The following DOP1A variants were observed in gnomAD, a reference collection of about 807,000 sequenced individuals.
DOP1A encodes the protein protein DOP1A.
In DOP1A, 90 loss-of-function variants were observed where a neutral mutation model predicts 267.6. The ratio of observed to expected loss-of-function variants is 0.34; its 90% CI spans 0.28 to 0.40. The LOEUF (loss-of-function observed/expected upper bound fraction) is 0.40. Ranked by LOEUF, DOP1A falls within the 10% of genes least tolerant of loss-of-function variation. The pLI, the probability that DOP1A is intolerant of heterozygous loss-of-function variation, is 1.00. For synonymous variants in DOP1A, 932 were observed against 999.1 expected (o/e 0.93, Z 1.27); for missense variants, 2,437 against 2,900.4 (o/e 0.84, Z 3.67).
rs1009818993 is a variant in DOP1A at position 83,145,741 on chromosome 6, T to A, written c.5676+83T>A. 2.2e-6 allele frequency: 3 copies of A among 1,369,364 alleles called. No individual in the cohort carries two copies. In the African/African-American group the frequency reaches 4.4e-5, roughly 20 times the overall value. 84.8% of individuals were successfully genotyped at this position (1,369,364 alleles called of 1,614,324 possible). On this transcript the variant is annotated intron_variant, in intron 25 of 38. Transcript: ENST00000349129. ...TAAGATTTTTTTTTGTACAATAATG[T>A]CCTTTCAATATAGTACAGATTGCAG... is the stretch of plus-strand genomic sequence containing the variant.
At position 83,139,119 on chromosome 6, in the gene DOP1A, C is replaced by G; in HGVS notation, c.5077C>G (p.Leu1693Val). 6.2e-7 allele frequency: 1 copy of G among 1,613,802 alleles called. No individual in the cohort carries two copies. Among genetic ancestry groups the G allele is most frequent in the Non-Finnish European group, 8.5e-7 (1 of 1,179,804 alleles). ...ACAACTGTGCAGAAATTTAGATAAT[C>G]TAATTCAGCAGTACAAATACGAAAC... ...TLQLCRNLDNLIQQYKYETGL... is the reference protein window; with the variant it reads ...TLQLCRNLDNVIQQYKYETGL... The change falls in exon 21 of 39, where the codon CTA becomes GTA. Residue 1693 changes from leucine to valine, a missense_variant. By Grantham distance (32) the Leu-to-Val change is conservative. Around this residue, in one of 9 missense-constraint regions of DOP1A, gnomAD observed 307 missense variants for 308.6 expected, o/e 0.99. Transcript: ENST00000349129.
At position 83,110,160 on chromosome 6, in the gene DOP1A, T is replaced by C; in HGVS notation, c.527T>C (p.Val176Ala). The change falls in exon 6 of 39, where the codon GTG becomes GCG. Residue 176 changes from valine (V) to alanine (A), a missense_variant. Coordinates refer to ENST00000349129, the MANE Select transcript of DOP1A (RefSeq NM_015018.4). ...NMLLEKVAAA[V>A]DQSAFYSALW... is the part of the protein sequence containing the mutation. ...TTGTTGGAAAAGGTTGCTGCTGCTG[T>C]GGACCAGTCAGCATTCTACAGTGCC... is the stretch of plus-strand genomic sequence containing the variant. 6.2e-7 allele frequency: 1 copy of C among 1,610,980 alleles called. No individual in the cohort carries two copies.
At chr6:83,099,126 A>C (rs535476323) in intron 3 of DOP1A, among the ~76,000 whole-genome samples, 1 of 152,182 alleles carries the variant, frequency 6.6e-6, no homozygotes, top group Non-Finnish European at 1.5e-5. Flanking sequence ...AGTTCCCCAT[A>C]TTATAATAAG....
intron 38 of DOP1A, chr6:83,167,072 A>C: frequency 1.0e-6 from 1 of 984,694 alleles, no homozygotes; most frequent in South Asian, 4.7e-5. Flanking sequence ...CTAGCCTCTT[A>C]ATACCCAAAT....
At chr6:83,157,840 C>G (rs528034840) in intron 35 of DOP1A, among the ~76,000 whole-genome samples, 12 of 152,266 alleles carry the variant, frequency 7.9e-5, no homozygotes, top group African/African-American at 2.6e-4. Context: ...CTTCTGTTCC[C>G]CTCCTCAAAC....
Position 83,110,322 on chromosome 6 carries a change from T to TA in DOP1A, c.681+13dup. The TA allele has an allele frequency of 6.2e-7, 1 of 1,610,584 alleles. No homozygotes were observed. The highest frequency in any genetic ancestry group is 1.1e-5 in the South Asian group (1 of 90,434). On this transcript the variant is annotated intron_variant, in intron 6 of 38. Transcript: ENST00000349129. ...AGTGATATTGAGCTAATGGTAGGTC[T>TA]AAAAATATGGTTGCTCATTTCACAA...
intron 1 of DOP1A, among the ~76,000 whole-genome samples, chr6:83,084,425 A>G (rs1295195514): frequency 6.6e-6 from 1 of 152,246 alleles, no homozygotes; most frequent in East Asian, 1.9e-4. Context: ...ATCTCAGAAC[A>G]TATTCCCATC....
intron 24 of DOP1A, among the ~76,000 whole-genome samples, chr6:83,144,450 G>A (rs1365256500): frequency 1.3e-5 from 2 of 152,122 alleles, no homozygotes; most frequent in African/African-American, 4.8e-5. Context: ...GAAGTATGTA[G>A]GGATGAATTT....
chr6:83,120,736 G>A lies in DOP1A; in HGVS notation c.1044G>A (p.Met348Ile). The change falls in exon 10 of 39, where the codon ATG (methionine) becomes ATA (isoleucine). Residue 348 changes from methionine (M) to isoleucine (I), a missense_variant. Physicochemically the swap from Met to Ile is conservative, Grantham distance 10 (BLOSUM62 1). Transcript: ENST00000349129. ...VNGFGEENTL[M>I]QDLKPFRILI... Reference sequence around the variant, plus strand: ...GATTTGGAGAAGAGAACACTCTAATGCAGGATCTAAAGCCTTTTCGCATTT... The same window carrying A: ...GATTTGGAGAAGAGAACACTCTAATACAGGATCTAAAGCCTTTTCGCATTT... 1 of 1,584,294 alleles carries A rather than the reference G, an allele frequency of 6.3e-7. No homozygotes were observed. The highest frequency in any genetic ancestry group is 1.2e-5 in the South Asian group (1 of 86,676).
At chr6:83,134,148 A>G in intron 18 of DOP1A, 39 bp from the exon 19 acceptor site, 1 of 1,550,652 alleles carries the variant, frequency 6.4e-7, no homozygotes. Flanking sequence ...TATCTTCAAG[A>G]GAGAAGAACA....
rs573818745 is a variant in DOP1A at position 83,167,344 on chromosome 6, C to T, written c.7093-518C>T. 162 of 985,144 alleles carry T rather than the reference C, an allele frequency of 1.6e-4. 1 individual carries two copies. In the South Asian group the frequency reaches 6.2e-3, roughly 38 times the overall value. The allele number at this position is 985,144 out of a possible 1,614,324, so 61.0% of individuals were successfully genotyped here. On this transcript the variant is annotated intron_variant, in intron 38 of 38. Transcript: ENST00000349129. ...GGGATCCCTTCCTTTCTCTGTGATGCAGTACTGACAGTAATTATTCACTTT... is the reference window on the plus strand; with the variant it reads ...GGGATCCCTTCCTTTCTCTGTGATGTAGTACTGACAGTAATTATTCACTTT...
chr6:83,152,826 C>T (rs994339097), intron 30 of DOP1A, among the ~76,000 whole-genome samples: 4 of 151,992 alleles, frequency 2.6e-5, no homozygotes, highest in Non-Finnish European at 5.9e-5. Context: ...TCAGTTTGGC[C>T]AGGCTGGTCT....
intron 24 of DOP1A, 91 bp downstream of exon 24, chr6:83,142,137 G>A: frequency 6.9e-7 from 1 of 1,445,114 alleles, no homozygotes; most frequent in Non-Finnish European, 9.4e-7. Context: ...TGGGGCCGGG[G>A]TAGATTCGAG....
At chr6:83,156,673 C>CTCT (rs1376288367) in intron 34 of DOP1A, among the ~76,000 whole-genome samples, 1 of 152,234 alleles carries the variant, frequency 6.6e-6, no homozygotes, top group African/African-American at 2.4e-5. Flanking sequence ...AGTCAGCATA[C>CTCT]TCTAAAGCCT....
intron 11 of DOP1A, among the ~76,000 whole-genome samples, chr6:83,122,523 G>C (rs2128219906): frequency 6.6e-6 from 1 of 152,056 alleles, no homozygotes; most frequent in African/African-American, 2.4e-5. Flanking sequence ...TACTCAGTTT[G>C]TATGTGCCAA....
intron 27 of DOP1A, among the ~76,000 whole-genome samples, chr6:83,149,457 G>A (rs1781194140): frequency 6.6e-6 from 1 of 152,154 alleles, no homozygotes; most frequent in Non-Finnish European, 1.5e-5. Flanking sequence ...AACAGGAAGG[G>A]GAAGGGTATT....
chr6:83,072,660 C>T (rs1464734152), intron 1 of DOP1A, among the ~76,000 whole-genome samples: 1 of 152,194 alleles, frequency 6.6e-6, no homozygotes, highest in Non-Finnish European at 1.5e-5. Context: ...ATACTGCAAT[C>T]TTAGTCCTTT....
rs1301719811 is a variant in DOP1A, at chr6:83,079,092, GC to G, written c.-147+11314del. Among the ~76,000 whole-genome samples the G allele has an allele frequency of 1.4e-4, 21 of 152,260 alleles. No individual in the cohort carries two copies. In the East Asian group the frequency reaches 3.1e-3, roughly 22 times the overall value. On this transcript the variant is annotated intron_variant, in intron 1 of 38. Coordinates refer to ENST00000349129, the MANE Select transcript of DOP1A (RefSeq NM_015018.4). ...GTCCATCAAGGGAGTTAACCCTTGTGCAAGGCTACTTTCTGTCACCATTCTT... is the reference window on the plus strand; with the variant it reads ...GTCCATCAAGGGAGTTAACCCTTGTGAAGGCTACTTTCTGTCACCATTCTT...
chr6:83,124,570 A>G, intron 12 of DOP1A, 135 bp from the exon 13 acceptor site: 2 of 714,132 alleles, frequency 2.8e-6, no homozygotes, highest in Non-Finnish European at 4.8e-6. Context: ...TGGGGGAAAT[A>G]AAATATGTCA....
Sources: allele counts gnomAD v4.1 joint callset (sites outside exome capture counted in the v4.1 genomes callset), GRCh38; gene constraint gnomAD v4.1.1; regional missense constraint gnomAD v4.1.1; transcripts MANE v1.5; gene names NCBI Gene and HGNC (gene_info 2026-07-23, HGNC 2026-07-21).